TENM3: variants seen among roughly 807,000 people sequenced by gnomAD.
TENM3 encodes teneurin-3.
TENM3 carries 63 observed loss-of-function variants against 255.1 expected under a neutral mutation model. That is an observed-to-expected ratio of 0.25 (90% CI 0.20 to 0.30). The LOEUF (loss-of-function observed/expected upper bound fraction) is 0.30. TENM3 is among the 10% of genes least tolerant of loss of function. TENM3 has a pLI of 1.00. For synonymous variants in TENM3, 1,306 were observed against 1,322.3 expected, an observed-to-expected ratio of 0.99 and a Z score of 0.27; for missense variants, 2,929 against 3,461.1, an observed-to-expected ratio of 0.85 and a Z score of 3.86.
At chr4:181,903,256 A>T in the TENM3 span, among the ~76,000 whole-genome samples, 1 of 152,088 alleles carries the variant, frequency 6.6e-6, no homozygotes, top group African/African-American at 2.4e-5. Flanking sequence ...GTGTATATAT[A>T]TTTGCTATGA....
At chr4:182,453,506 T>C (rs2151334619) in intron 3 of TENM3, among the ~76,000 whole-genome samples, 1 of 152,350 alleles carries the variant, frequency 6.6e-6, no homozygotes, top group South Asian at 2.1e-4. Flanking sequence ...TGTCTTGGTT[T>C]GTACATTGAG....
At chr4:181,509,291 G>A in the TENM3 span, among the ~76,000 whole-genome samples, 479 of 152,214 alleles carry the variant, frequency 3.1e-3, 3 homozygotes, top group Non-Finnish European at 5.4e-3. Flanking sequence ...AATTACTGGG[G>A]TGGCCTCTGA....
chr4:182,242,316 T>A (rs1348979497), upstream of TENM3, among the ~76,000 whole-genome samples: 1 of 152,180 alleles, frequency 6.6e-6, no homozygotes, highest in Non-Finnish European at 1.5e-5. Flanking sequence ...GTGTTTGTTT[T>A]TTTTTCCTTG....
chr4:181,613,465 T>A, the TENM3 span, among the ~76,000 whole-genome samples: 9 of 152,150 alleles, frequency 5.9e-5, no homozygotes, highest in Non-Finnish European at 1.2e-4. Flanking sequence ...TAAATTCTTC[T>A]TTCAGATGTC....
the TENM3 span, among the ~76,000 whole-genome samples, chr4:181,797,017 G>A: frequency 6.6e-6 from 1 of 152,138 alleles, no homozygotes; most frequent in Non-Finnish European, 1.5e-5. Context: ...GAGGCCCACA[G>A]GCCAGAGTGT....
At chr4:181,800,877 G>C in the TENM3 span, among the ~76,000 whole-genome samples, 1 of 152,088 alleles carries the variant, frequency 6.6e-6, no homozygotes, top group African/African-American at 2.4e-5. Context: ...ATAAAATGCC[G>C]GTGTATTTCT....
chr4:182,651,069 A>C (rs1305712649), intron 5 of TENM3, among the ~76,000 whole-genome samples: 1 of 152,200 alleles, frequency 6.6e-6, no homozygotes, highest in East Asian at 1.9e-4. Flanking sequence ...AATGTGAGCA[A>C]ATCTATCAGG....
the TENM3 span, among the ~76,000 whole-genome samples, chr4:181,859,068 A>C: frequency 6.6e-6 from 1 of 152,070 alleles, no homozygotes; most frequent in Non-Finnish European, 1.5e-5. Flanking sequence ...TTTTCAAAGT[A>C]AAATAATTTT....
the TENM3 span, among the ~76,000 whole-genome samples, chr4:181,901,195 A>G: frequency 1.3e-5 from 2 of 152,204 alleles, no homozygotes; most frequent in East Asian, 1.9e-4. Context: ...AAAAAAATAT[A>G]TGAGCCTGTC....
intron 3 of TENM3, among the ~76,000 whole-genome samples, chr4:182,597,186 TGAGCCCAGGA>T (rs375948309): frequency 1.8e-3 from 278 of 152,322 alleles, no homozygotes; most frequent in African/African-American, 6.2e-3. Context: ...GAGGATCGCT[TGAGCCCAGGA>T]GTTCAAGACT....
chr4:182,159,417 G>T (rs1263392915), intron 1 of TENM3, among the ~76,000 whole-genome samples: 1 of 151,510 alleles, frequency 6.6e-6, no homozygotes, highest in Non-Finnish European at 1.5e-5. Context: ...GTGGAGCCAG[G>T]TGTGCAGTGA....
At chr4:181,866,375 G>A in the TENM3 span, among the ~76,000 whole-genome samples, 6 of 152,086 alleles carry the variant, frequency 3.9e-5, no homozygotes, top group East Asian at 5.8e-4. Context: ...TCCTCCACGC[G>A]GTTACTTAGT....
the TENM3 span, among the ~76,000 whole-genome samples, chr4:182,101,168 G>A: frequency 1.3e-3 from 18 of 13,878 alleles, no homozygotes; most frequent in Admixed American, 5.8e-3. Context: ...GGAAAGAAGG[G>A]AGGGAGGAAG....
intron 1 of TENM3, among the ~76,000 whole-genome samples, chr4:182,260,086 G>A (rs1014846910): frequency 6.6e-6 from 1 of 152,154 alleles, no homozygotes; most frequent in African/African-American, 2.4e-5. Flanking sequence ...TTTTATGACT[G>A]AGTAATATTC....
At chr4:181,984,388 A>G in the TENM3 span, among the ~76,000 whole-genome samples, 1 of 152,108 alleles carries the variant, frequency 6.6e-6, no homozygotes, top group African/African-American at 2.4e-5. Flanking sequence ...GCTGTAAAAT[A>G]AGTAAGTGCA....
the TENM3 span, among the ~76,000 whole-genome samples, chr4:181,610,490 C>T: frequency 1.4e-4 from 22 of 152,146 alleles, no homozygotes; most frequent in Admixed American, 1.3e-3. Context: ...AGCATAGTTT[C>T]ATGTACCTCA....
intron 19 of TENM3, among the ~76,000 whole-genome samples, chr4:182,749,425 A>G (rs1046712385): frequency 6.6e-6 from 1 of 152,218 alleles, no homozygotes; most frequent in African/African-American, 2.4e-5. Context: ...ACTTTAGTTA[A>G]TTATTGTATT....
chr4:182,602,863 C>A (rs1024793327), intron 4 of TENM3, among the ~76,000 whole-genome samples: 1 of 152,114 alleles, frequency 6.6e-6, no homozygotes, highest in African/African-American at 2.4e-5. Context: ...CCAGTTGAGT[C>A]ATCAGATTGA....
the TENM3 span, among the ~76,000 whole-genome samples, chr4:181,936,426 T>C: frequency 6.6e-6 from 1 of 152,110 alleles, no homozygotes; most frequent in Non-Finnish European, 1.5e-5. Flanking sequence ...GAGTGGCTGA[T>C]AGGTAATATT....
Sources: gnomAD v4.1 joint callset for allele counts (sites outside exome capture counted in the v4.1 genomes callset) on GRCh38, gnomAD v4.1.1 for gene constraint, MANE v1.5 for transcripts, NCBI Gene and HGNC (gene_info 2026-07-23, HGNC 2026-07-21) for gene names.